The following MYO3B variants were observed in gnomAD, a reference collection of about 807,000 sequenced individuals.
MYO3B encodes the protein myosin-IIIb.
Under a neutral mutation model 174.6 loss-of-function variants are expected in MYO3B, and 156 were observed. The ratio of observed to expected loss-of-function variants is 0.89; its 90% CI spans 0.78 to 1.02. The LOEUF (loss-of-function observed/expected upper bound fraction) is 1.02, where lower values mean the gene tolerates loss of function less well. Ranked by LOEUF, MYO3B falls within the 50% of genes least tolerant of loss-of-function variation. The pLI, the probability that MYO3B is intolerant of heterozygous loss-of-function variation, is 0.00. For missense variants in MYO3B, 1,632 were observed against 1,639.4 expected, an observed-to-expected ratio of 1.00 and a Z score of 0.08; for synonymous variants, 563 against 569.1, an observed-to-expected ratio of 0.99 and a Z score of 0.15.
chr2:170,235,987 A>G lies in MYO3B; in HGVS notation c.604-4A>G, dbSNP rs1180046397. 6 of 1,613,834 alleles carry G rather than the reference A, an allele frequency of 3.7e-6. No homozygotes were observed. Among genetic ancestry groups the G allele is most frequent in the African/African-American group, 2.7e-5 (2 of 74,904 alleles). On this transcript the variant is annotated splice_polypyrimidine_tract_variant and splice_region_variant and intron_variant, in intron 6 of 34. Transcript: ENST00000408978. ...ATGTGTCATGTCCTGCTTTTGTCCA[A>G]TAGGTCATTGCCTGTGAGCAGCAGT...
At chr2:170,406,117 A>T (rs2094507846) in intron 21 of MYO3B, among the ~76,000 whole-genome samples, 1 of 151,736 alleles carries the variant, frequency 6.6e-6, no homozygotes. Context: ...AACTTAACTG[A>T]AATGTCCACT....
At position 170,205,356 on chromosome 2, in the gene MYO3B, A is replaced by T. The variant is rs528025730; in HGVS notation, c.321+5072A>T. Among the ~76,000 whole-genome samples, 21 of 152,248 alleles carry T rather than the reference A, an allele frequency of 1.4e-4. 1 individual carries two copies. In the South Asian group the frequency reaches 4.3e-3, roughly 32 times the overall value. On this transcript the variant is annotated intron_variant, in intron 3 of 34. Transcript: ENST00000408978. ...GACCAAAATGAGGTGTCAGGGGAAA[A>T]TTCCAGGGTTGCATTTTCTGGGATC...
At chr2:170,350,586 T>C (rs1574832250) in intron 8 of MYO3B, 1 of 152,138 alleles carries the variant, frequency 6.6e-6, no homozygotes, top group South Asian at 2.1e-4. Context: ...GCAGAGATGA[T>C]GGGTAAAAAT....
rs1012511839 is a variant in MYO3B, at chr2:170,625,940, C to A, written c.3734-25688C>A. On this transcript the variant is annotated intron_variant, in intron 32 of 34. Coordinates refer to ENST00000408978, the MANE Select transcript of MYO3B (RefSeq NM_138995.5). ...GAGACAGTTTGTTATAATTTCTGTT[C>A]TTTTACCTCTGCTGAGGAGTGCTTT... Among the ~76,000 whole-genome samples, 17 of 152,158 alleles carry A rather than the reference C, an allele frequency of 1.1e-4. 1 individual carries two copies. Among genetic ancestry groups the A allele is most frequent in the African/African-American group, 4.1e-4 (17 of 41,436 alleles).
At chr2:170,269,639 T>C (rs911315246) in intron 7 of MYO3B, among the ~76,000 whole-genome samples, 1 of 152,216 alleles carries the variant, frequency 6.6e-6, no homozygotes, top group African/African-American at 2.4e-5. Context: ...ATTGAGGTAA[T>C]ATACCAGAAT....
intron 32 of MYO3B, among the ~76,000 whole-genome samples, chr2:170,555,620 C>A (rs991306162): frequency 3.3e-5 from 5 of 152,020 alleles, no homozygotes; most frequent in Non-Finnish European, 7.3e-5. Flanking sequence ...ACCTGTAATC[C>A]CAGCACTTTG....
chr2:170,431,200 A>G (rs17426142), intron 22 of MYO3B, among the ~76,000 whole-genome samples: 63,092 of 152,054 alleles, frequency 0.41, 14,951 homozygotes, highest in East Asian at 0.82. Context: ...TGACAGCCAT[A>G]TTATTTTCAA....
At chr2:170,288,063 T>C (rs1300746865) in intron 7 of MYO3B, among the ~76,000 whole-genome samples, 1 of 152,132 alleles carries the variant, frequency 6.6e-6, no homozygotes, top group Non-Finnish European at 1.5e-5. Context: ...GGTTCTCTAT[T>C]CTGTTCCATT....
chr2:170,603,207 A>G (rs942530625), intron 32 of MYO3B, among the ~76,000 whole-genome samples: 11 of 152,318 alleles, frequency 7.2e-5, no homozygotes, highest in South Asian at 2.1e-4. Flanking sequence ...CACCCTCAGA[A>G]TACGTTACTT....
intron 7 of MYO3B, among the ~76,000 whole-genome samples, chr2:170,261,414 ATGG>A (rs1188377885): frequency 6.6e-6 from 1 of 152,210 alleles, no homozygotes; most frequent in Non-Finnish European, 1.5e-5. Context: ...AAACCTGGAC[ATGG>A]TGGCGAGCAC....
chr2:170,450,041 T>A (rs1683500071), intron 23 of MYO3B, among the ~76,000 whole-genome samples: 1 of 152,204 alleles, frequency 6.6e-6, no homozygotes, highest in Non-Finnish European at 1.5e-5. Context: ...CAGCCACTAT[T>A]AAAGCTACAA....
intron 32 of MYO3B, among the ~76,000 whole-genome samples, chr2:170,594,296 C>T (rs145846983): frequency 0.021 from 3,144 of 151,684 alleles, 37 homozygotes; most frequent in Middle Eastern, 0.038. Context: ...GAAGGCTGTA[C>T]GAAGTTAAAA....
chr2:170,306,352 A>G (rs2093700734), intron 7 of MYO3B, among the ~76,000 whole-genome samples: 1 of 152,226 alleles, frequency 6.6e-6, no homozygotes. Flanking sequence ...TTAATGGGAA[A>G]AGTGTCAAAG....
chr2:170,582,071 C>A (rs539681121), intron 32 of MYO3B, among the ~76,000 whole-genome samples: 1 of 152,308 alleles, frequency 6.6e-6, no homozygotes, highest in South Asian at 2.1e-4. Context: ...TACCTTCTAT[C>A]CACTTTTGGG....
At chr2:170,426,289 C>T (rs2094660039) in intron 22 of MYO3B, among the ~76,000 whole-genome samples, 1 of 150,356 alleles carries the variant, frequency 6.7e-6, no homozygotes, top group Admixed American at 6.6e-5. Context: ...CAGTGAGCCA[C>T]GATTGTGCCA....
intron 32 of MYO3B, among the ~76,000 whole-genome samples, chr2:170,558,668 A>G (rs998716207): frequency 2.6e-5 from 4 of 152,120 alleles, no homozygotes; most frequent in Non-Finnish European, 4.4e-5. Context: ...CACTTTATGC[A>G]TTCATGTTTC....
At chr2:170,453,244 A>G (rs1037590413) in intron 23 of MYO3B, among the ~76,000 whole-genome samples, 1 of 152,172 alleles carries the variant, frequency 6.6e-6, no homozygotes, top group Non-Finnish European at 1.5e-5. Flanking sequence ...TTAGGGGTCC[A>G]CAGCCCACGT....
intron 30 of MYO3B, among the ~76,000 whole-genome samples, chr2:170,536,825 T>A (rs1689712024): frequency 6.6e-6 from 1 of 152,262 alleles, no homozygotes; most frequent in Non-Finnish European, 1.5e-5. Context: ...CTTATGGTAA[T>A]AACTTCCATA....
At chr2:170,645,467 T>G (rs1164212350) in intron 32 of MYO3B, among the ~76,000 whole-genome samples, 1 of 78,926 alleles carries the variant, frequency 1.3e-5, no homozygotes, top group Non-Finnish European at 2.4e-5. Context: ...AGGCTCCGTC[T>G]CAAAAAAAAA....
Sources: gnomAD v4.1 joint callset for allele counts (sites outside exome capture counted in the v4.1 genomes callset) on GRCh38, gnomAD v4.1.1 for gene constraint, MANE v1.5 for transcripts, NCBI Gene and HGNC (gene_info 2026-07-23, HGNC 2026-07-21) for gene names.